The following SERPINB9 variants were observed in gnomAD, a reference collection of about 807,000 sequenced individuals.
SERPINB9 encodes the protein serpin B9.
SERPINB9 carries 20 observed loss-of-function variants against 27.2 expected under a neutral mutation model. The observed-to-expected ratio is 0.74, with a 90% CI of 0.52 to 1.07. The LOEUF (loss-of-function observed/expected upper bound fraction) is 1.07. Ranked by LOEUF, SERPINB9 falls within the 50% of genes least tolerant of loss-of-function variation. The pLI, the probability that SERPINB9 is intolerant of heterozygous loss-of-function variation, is 0.00. For synonymous variants in SERPINB9, 189 were observed against 180.0 expected (o/e 1.05, Z -0.40); for missense variants, 476 against 460.1 (o/e 1.03, Z -0.32).
intron 1 of SERPINB9, among the ~76,000 whole-genome samples, chr6:2,901,731 A>G: frequency 7.3e-6 from 1 of 136,564 alleles, no homozygotes; most frequent in East Asian, 2.2e-4. Context: ...CTCCTCCCCC[A>G]CACCCATCCC....
At position 2,891,748 on chromosome 6, in the gene SERPINB9, A is replaced by T. The variant is rs1207908491; in HGVS notation, c.723+85T>A. Reference sequence around the variant, plus strand: ...TGTGCGTCTGCCGCATCGCCAACTCAGAAGGTGAATATGAGAGGTGGAAGT... The same window carrying T: ...TGTGCGTCTGCCGCATCGCCAACTCTGAAGGTGAATATGAGAGGTGGAAGT... On this transcript the variant is annotated intron_variant, in intron 6 of 6. Coordinates refer to ENST00000380698, the MANE Select transcript of SERPINB9 (RefSeq NM_004155.6). The surrounding 1 kb of genome is among the most constrained non-coding windows in gnomAD (Gnocchi z 4.0). 1 of 1,463,964 alleles carries T rather than the reference A, an allele frequency of 6.8e-7. No individual in the cohort carries two copies. Among genetic ancestry groups the T allele is most frequent in the Admixed American group, 2.3e-5 (1 of 43,678 alleles). 90.7% of individuals were successfully genotyped at this position (1,463,964 alleles called of 1,614,324 possible).
At chr6:2,899,134 T>C (rs1207460270) in intron 2 of SERPINB9, among the ~76,000 whole-genome samples, 2 of 152,072 alleles carry the variant, frequency 1.3e-5, no homozygotes, top group Non-Finnish European at 2.9e-5. Flanking sequence ...CCAGACAATT[T>C]TGGTGCTCTC....
rs192423610 is a variant in SERPINB9, at chr6:2,898,790, G to A, written c.168+1654C>T. 3.3e-3 allele frequency among the ~76,000 whole-genome samples: 507 copies of A among 151,774 alleles called. 7 individuals are homozygous for A. Among genetic ancestry groups the A allele is most frequent in the African/African-American group, 0.012 (494 of 41,376 alleles). On this transcript the variant is annotated intron_variant, in intron 2 of 6. Transcript: ENST00000380698. ...GATCGCACCACTGCACTCCAGCCTG[G>A]GCGACAGAGCAAGACTCTGTCTCGA... is the stretch of plus-strand genomic sequence containing the variant.
In SERPINB9 at chr6:2,890,694, C is replaced by T. The variant is rs993604213; in HGVS notation, c.724-124G>A. 2 of 891,202 alleles carry T rather than the reference C, an allele frequency of 2.2e-6. No homozygotes were observed. The highest frequency in any genetic ancestry group is 3.4e-6 in the Non-Finnish European group (2 of 582,590). The allele number at this position is 891,202 out of a possible 1,614,324, so 55.2% of individuals were successfully genotyped here. On this transcript the variant is annotated intron_variant, in intron 6 of 6. Coordinates refer to ENST00000380698, the MANE Select transcript of SERPINB9 (RefSeq NM_004155.6). The surrounding 1 kb of genome is among the most constrained non-coding windows in gnomAD (Gnocchi z 6.2). The stretch of plus-strand genomic sequence containing the variant: ...TGTTTGTTCACATAGGATCAGTGGC[C>T]CCTTCATCTGCCAGAAGCTTGTGAG...
rs1767632906 is a variant in SERPINB9 at position 2,887,326 on chromosome 6, G to C, written c.*2837C>G. ...TGAAACATCATAACAAAATTTAAAA[G>C]GCAATACAAGAATGAGAGAAAATAT... is the stretch of plus-strand genomic sequence containing the variant. On this transcript the variant is annotated 3_prime_UTR_variant, in exon 7 of 7. Transcript: ENST00000380698. 6.6e-6 allele frequency: 1 copy of C among 151,858 alleles called. No individual in the cohort carries two copies. Among genetic ancestry groups the C allele is most frequent in the South Asian group, 2.1e-4 (1 of 4,824 alleles). 9.4% of individuals were successfully genotyped at this position (151,858 alleles called of 1,614,324 possible).
Position 2,887,971 on chromosome 6 carries a change from T to A in SERPINB9, c.*2192A>T, listed in dbSNP as rs970980926. 3.9e-5 allele frequency: 6 copies of A among 151,904 alleles called. No homozygotes were observed. The highest frequency in any genetic ancestry group is 1.5e-4 in the African/African-American group (6 of 41,366). The allele number at this position is 151,904 out of a possible 1,614,324, so 9.4% of individuals were successfully genotyped here. ...CCTCCTCTAAAGCTTTTTAACAAAC[T>A]GTCACTCGTGTTCTAAAAACAAACA... On this transcript the variant is annotated 3_prime_UTR_variant, in exon 7 of 7. Coordinates refer to ENST00000380698, the MANE Select transcript of SERPINB9 (RefSeq NM_004155.6).
intron 5 of SERPINB9, 38 bp downstream of exon 5, chr6:2,893,372 CT>C: frequency 6.3e-7 from 1 of 1,576,414 alleles, no homozygotes; most frequent in Non-Finnish European, 8.6e-7. Context: ...CATTCAACTT[CT>C]TCATCAAACT....
Position 2,889,937 on chromosome 6 carries a change from A to C in SERPINB9, c.*226T>G. On this transcript the variant is annotated 3_prime_UTR_variant, in exon 7 of 7. Coordinates refer to ENST00000380698, the MANE Select transcript of SERPINB9 (RefSeq NM_004155.6). ...CCTATGGGATTTGGACTGCAATTTT[A>C]ATACAACAGGGAATCATTATGGTCT... The C allele has an allele frequency of 4.6e-6, 2 of 439,558 alleles. No homozygotes were observed. The highest frequency in any genetic ancestry group is 5.7e-5 in the South Asian group (1 of 17,414). The allele number at this position is 439,558 out of a possible 1,614,324, so 27.2% of individuals were successfully genotyped here. A position where few individuals can be genotyped will look rare whatever the true frequency, so the allele number is the denominator to read the frequency against.
In SERPINB9 at chr6:2,896,087, C is replaced by A. The variant is rs764447873; in HGVS notation, c.272G>T (p.Arg91Met). 1 of 1,613,856 alleles carries A rather than the reference C, an allele frequency of 6.2e-7. No homozygotes were observed. The highest frequency in any genetic ancestry group is 8.5e-7 in the Non-Finnish European group (1 of 1,179,948). ...GTQYLLRTAN[R>M]LFGEKTCQFL... The stretch of plus-strand genomic sequence containing the variant: ...CTGACAAGTTTTCTCTCCAAAGAGC[C>A]TGTTGGCCGTTCTCAGCAGGTACTG... Residue 91 changes from arginine to methionine, a missense_variant, in exon 3 of 7, where the codon AGG becomes ATG. Physicochemically the swap from Arg to Met is moderately conservative, Grantham distance 91. Coordinates refer to ENST00000380698, the MANE Select transcript of SERPINB9 (RefSeq NM_004155.6).
At position 2,892,105 on chromosome 6, in the gene SERPINB9, T is replaced by TAAAAAAA. The variant is rs535487251; in HGVS notation, c.568-124_568-118dup. 1.4e-4 allele frequency: 17 copies of TAAAAAAA among 118,052 alleles called. 2 individuals are homozygous for TAAAAAAA. The highest frequency in any genetic ancestry group is 7.7e-4 in the African/African-American group (10 of 12,990). 7.3% of individuals were successfully genotyped at this position (118,052 alleles called of 1,614,324 possible). On this transcript the variant is annotated intron_variant, in intron 5 of 6. Coordinates refer to ENST00000380698, the MANE Select transcript of SERPINB9 (RefSeq NM_004155.6). ...GCCACATTCATGCCCCAGTTAACAC[T>TAAAAAAA]AAAAAAAAAAAAAAAAAAAAAAAAA...
In SERPINB9 at chr6:2,887,829, A is replaced by T. The variant is rs1767647447; in HGVS notation, c.*2334T>A. On this transcript the variant is annotated 3_prime_UTR_variant, in exon 7 of 7. Coordinates refer to ENST00000380698, the MANE Select transcript of SERPINB9 (RefSeq NM_004155.6). Reference sequence around the variant, plus strand: ...GCCACTACACTCCAGCCTGGGTGACAGAGTGAGGCACTGTCTCAAAAAAAA... The same window carrying T: ...GCCACTACACTCCAGCCTGGGTGACTGAGTGAGGCACTGTCTCAAAAAAAA... 7.0e-6 allele frequency: 1 copy of T among 143,580 alleles called. No individual in the cohort carries two copies. Among genetic ancestry groups the T allele is most frequent in the South Asian group, 2.3e-4 (1 of 4,378 alleles). The allele number at this position is 143,580 out of a possible 1,614,324, so 8.9% of individuals were successfully genotyped here. A position where few individuals can be genotyped will look rare whatever the true frequency, so the allele number is the denominator to read the frequency against.
At chr6:2,902,657 A>G (rs1366034129) in intron 1 of SERPINB9, among the ~76,000 whole-genome samples, 1 of 152,106 alleles carries the variant, frequency 6.6e-6, no homozygotes, top group Non-Finnish European at 1.5e-5. Flanking sequence ...TGACATTATT[A>G]CAGGCGTGGG....
chr6:2,895,761 A>G (rs1020508596), intron 3 of SERPINB9, among the ~76,000 whole-genome samples: 4 of 152,066 alleles, frequency 2.6e-5, no homozygotes, highest in African/African-American at 9.7e-5. Context: ...CTACTTTTGC[A>G]ATACTAATGC....
chr6:2,896,068 A>G lies in SERPINB9; in HGVS notation c.291T>C (p.Thr97=). 1.2e-6 allele frequency: 2 copies of G among 1,613,250 alleles called. No individual in the cohort carries two copies. The highest frequency in any genetic ancestry group is 1.7e-6 in the Non-Finnish European group (2 of 1,179,824). The change falls in exon 3 of 7, where the codon ACT becomes ACC. Residue 97 remains threonine, a synonymous_variant. Coordinates refer to ENST00000380698, the MANE Select transcript of SERPINB9 (RefSeq NM_004155.6). The part of the protein sequence containing the change: ...RTANRLFGEK[T]CQFLSTFKES... ...TTCAACTTACTGAGAGGAACTGACAAGTTTTCTCTCCAAAGAGCCTGTTGG... is the reference window on the plus strand; with the variant it reads ...TTCAACTTACTGAGAGGAACTGACAGGTTTTCTCTCCAAAGAGCCTGTTGG...
chr6:2,892,611 TA>T lies in SERPINB9; in HGVS notation c.568-624del, dbSNP rs1382847217. Among the ~76,000 whole-genome samples, 4 of 152,192 alleles carry T rather than the reference TA, an allele frequency of 2.6e-5. No homozygotes were observed. The East Asian group carries it at 7.7e-4, about 29-fold the overall frequency. On this transcript the variant is annotated intron_variant, in intron 5 of 6. Transcript: ENST00000380698. The stretch of plus-strand genomic sequence containing the variant: ...TATTACATTTATTAACGTAATACTT[TA>T]AAAAATTGATACAGATCATTTATTA...
At position 2,890,767 on chromosome 6, in the gene SERPINB9, G is replaced by T. The variant is rs1767771930; in HGVS notation, c.724-197C>A. ...CATGTGCCACTTCCTTGACAAGGGG[G>T]AGAGACACCAAGCAGTCAGAGGCAG... On this transcript the variant is annotated intron_variant, in intron 6 of 6. Transcript: ENST00000380698. The surrounding 1 kb of genome is among the most constrained non-coding windows in gnomAD (Gnocchi z 6.2). 6.6e-6 allele frequency among the ~76,000 whole-genome samples: 1 copy of T among 152,142 alleles called. No homozygotes were observed. The highest frequency in any genetic ancestry group is 2.4e-5 in the African/African-American group (1 of 41,420).
At position 2,887,502 on chromosome 6, in the gene SERPINB9, G is replaced by C. The variant is rs1767637804; in HGVS notation, c.*2661C>G. On this transcript the variant is annotated 3_prime_UTR_variant, in exon 7 of 7. Coordinates refer to ENST00000380698, the MANE Select transcript of SERPINB9 (RefSeq NM_004155.6). ...ACCACTAATAAAAGAAATGCAATAAGTATCTGCATATGATACATAATGTTG... is the reference window on the plus strand; with the variant it reads ...ACCACTAATAAAAGAAATGCAATAACTATCTGCATATGATACATAATGTTG... The C allele has an allele frequency of 6.6e-6, 1 of 152,184 alleles. No individual in the cohort carries two copies. The highest frequency in any genetic ancestry group is 2.4e-5 in the African/African-American group (1 of 41,450). 9.4% of individuals were successfully genotyped at this position (152,184 alleles called of 1,614,324 possible). A position where few individuals can be genotyped will look rare whatever the true frequency, so the allele number is the denominator to read the frequency against.
chr6:2,902,969 T>G (rs903169880), intron 1 of SERPINB9, among the ~76,000 whole-genome samples: 1 of 152,016 alleles, frequency 6.6e-6, no homozygotes, highest in Non-Finnish European at 1.5e-5. Context: ...CGAGGAGACA[T>G]CCGGGAGGGA....
At chr6:2,893,815 C>G (rs1381376369) in intron 4 of SERPINB9, among the ~76,000 whole-genome samples, 1 of 152,028 alleles carries the variant, frequency 6.6e-6, no homozygotes, top group Non-Finnish European at 1.5e-5. Flanking sequence ...AAAATTACAC[C>G]AGGTTGGAGA....
Sources: gnomAD v4.1 joint callset for allele counts (sites outside exome capture counted in the v4.1 genomes callset) on GRCh38, gnomAD v4.1.1 for gene constraint, Gnocchi (gnomAD v3.1) non-coding constraint, MANE v1.5 for transcripts, NCBI Gene and HGNC (gene_info 2026-07-23, HGNC 2026-07-21) for gene names.